The following SCARB2 variants were observed in gnomAD, a reference collection of about 807,000 sequenced individuals.
SCARB2 encodes scavenger receptor class B member 2, also known as lysosome membrane protein 2.
SCARB2 carries 29 observed loss-of-function variants against 58.6 expected under a neutral mutation model. The ratio of observed to expected loss-of-function variants is 0.49; its 90% CI spans 0.37 to 0.67. The LOEUF is 0.67. Among genes scored for constraint, SCARB2 ranks in the 30% least tolerant of loss-of-function variants. The pLI is 0.00. For missense variants in SCARB2, 488 were observed against 578.5 expected (o/e 0.84, Z 1.60); for synonymous variants, 195 against 210.1 (o/e 0.93, Z 0.62).
chr4:76,173,175 C>T (rs1249761736), intron 7 of SCARB2: 1 of 152,156 alleles, frequency 6.6e-6, no homozygotes, highest in African/African-American at 2.4e-5. Context: ...GATAATTCTG[C>T]CTCATTCATG....
Position 76,166,316 on chromosome 4 carries a change from G to C in SCARB2, c.1188-15C>G, listed in dbSNP as rs1480025542. 6.2e-7 allele frequency: 1 copy of C among 1,613,622 alleles called. No individual in the cohort carries two copies. The highest frequency in any genetic ancestry group is 1.3e-5 in the African/African-American group (1 of 74,890). ...CTCCCGTTTCACTACAAAGACAAAG[G>C]ATGAGATTGTTTCAGAAACATCCTC... On this transcript the variant is annotated splice_polypyrimidine_tract_variant and intron_variant, in intron 9 of 11. Transcript: ENST00000264896.
At chr4:76,212,767 T>C in intron 1 of SCARB2, among the ~76,000 whole-genome samples, 1 of 152,218 alleles carries the variant, frequency 6.6e-6, no homozygotes, top group East Asian at 1.9e-4. Flanking sequence ...CAGATTCTTG[T>C]AGGGTATCTA....
At position 76,159,888 on chromosome 4, in the gene SCARB2, C is replaced by CACTA. The variant is rs1258969240; in HGVS notation, c.*1821_*1824dup. On this transcript the variant is annotated 3_prime_UTR_variant, in exon 12 of 12. Transcript: ENST00000264896. ...TAATAGGACTAAACCAATAAGTATG[C>CACTA]ACTAGCATTGTCAATTTTATTAGTA... The CACTA allele has an allele frequency of 6.6e-6, 1 of 152,182 alleles. No individual in the cohort carries two copies. The highest frequency in any genetic ancestry group is 1.5e-5 in the Non-Finnish European group (1 of 68,040). 9.4% of individuals were successfully genotyped at this position (152,182 alleles called of 1,614,324 possible).
intron 2 of SCARB2, among the ~76,000 whole-genome samples, chr4:76,186,182 G>A (rs1247966723): frequency 6.6e-6 from 1 of 152,176 alleles, no homozygotes; most frequent in Non-Finnish European, 1.5e-5. Flanking sequence ...CAACTGGAAG[G>A]GGACTCCTGC....
At chr4:76,202,155 G>A (rs1732839764) in intron 1 of SCARB2, among the ~76,000 whole-genome samples, 1 of 152,204 alleles carries the variant, frequency 6.6e-6, no homozygotes, top group South Asian at 2.1e-4. Flanking sequence ...GATGTTTAAA[G>A]TAGCAGATAA....
intron 1 of SCARB2, among the ~76,000 whole-genome samples, chr4:76,232,836 T>C (rs1733516513): frequency 6.6e-6 from 1 of 152,202 alleles, no homozygotes; most frequent in Admixed American, 6.5e-5. Context: ...TTTGATATTA[T>C]GAAATAGTGT....
chr4:76,173,438 T>G (rs534719467), intron 7 of SCARB2: 1 of 152,338 alleles, frequency 6.6e-6, no homozygotes, highest in South Asian at 2.1e-4. Flanking sequence ...TCAAGCAATC[T>G]CTCTGCCTCA....
chr4:76,231,091 G>A (rs1303211680), intron 1 of SCARB2, among the ~76,000 whole-genome samples: 1 of 151,274 alleles, frequency 6.6e-6, no homozygotes, highest in East Asian at 1.9e-4. Flanking sequence ...GCATGCTAAG[G>A]TGAAACCGTA....
intron 1 of SCARB2, among the ~76,000 whole-genome samples, chr4:76,231,731 C>T (rs1247251003): frequency 6.6e-6 from 1 of 152,192 alleles, no homozygotes; most frequent in Non-Finnish European, 1.5e-5. Flanking sequence ...TGGGTTTATC[C>T]TCAAATACCT....
intron 2 of SCARB2, among the ~76,000 whole-genome samples, chr4:76,189,374 C>T (rs904692644): frequency 2.6e-5 from 4 of 152,142 alleles, no homozygotes; most frequent in Admixed American, 2.6e-4. Flanking sequence ...GCTGGGGAGG[C>T]CTCAGGAAAC....
intron 2 of SCARB2, chr4:76,193,266 C>G (rs998933853): frequency 6.6e-6 from 1 of 152,304 alleles, no homozygotes; most frequent in African/African-American, 2.4e-5. Context: ...ACCTAGATTT[C>G]AGATGATGTA....
intron 1 of SCARB2, 145 bp downstream of exon 1, chr4:76,213,282 A>G: frequency 1.4e-6 from 1 of 710,216 alleles, no homozygotes; most frequent in South Asian, 1.5e-5. Flanking sequence ...CTCGCCTACC[A>G]AGCCCTGGAA....
chr4:76,161,028 A>G lies in SCARB2; in HGVS notation c.*685T>C, dbSNP rs1167115665. On this transcript the variant is annotated 3_prime_UTR_variant, in exon 12 of 12. Coordinates refer to ENST00000264896, the MANE Select transcript of SCARB2 (RefSeq NM_005506.4). Reference sequence around the variant, plus strand: ...ATGCATTCTCTTCGTTCACAAAAGTACAAGTTAAAAATCCTTAGGAGCTTA... The same window carrying G: ...ATGCATTCTCTTCGTTCACAAAAGTGCAAGTTAAAAATCCTTAGGAGCTTA... 1.3e-5 allele frequency: 2 copies of G among 152,676 alleles called. No individual in the cohort carries two copies. Among genetic ancestry groups the G allele is most frequent in the Non-Finnish European group, 2.9e-5 (2 of 68,260 alleles). 9.5% of individuals were successfully genotyped at this position (152,676 alleles called of 1,614,324 possible). A position where few individuals can be genotyped will look rare whatever the true frequency, so the allele number is the denominator to read the frequency against.
Position 76,184,799 on chromosome 4 carries a change from A to ATT in SCARB2, c.276-3700_276-3699dup, listed in dbSNP as rs750605866. The ATT allele has an allele frequency of 5.7e-4, 208 of 364,526 alleles. 1 individual carries two copies. Among genetic ancestry groups the ATT allele is most frequent in the African/African-American group, 4.0e-3 (180 of 44,938 alleles). 22.6% of individuals were successfully genotyped at this position (364,526 alleles called of 1,614,324 possible). A position where few individuals can be genotyped will look rare whatever the true frequency, so the allele number is the denominator to read the frequency against. ...TTTGTCTCTACCAAAAAAAAAAAAAATTTTAATTTAAAAACAAGAAAACTC... is the reference window on the plus strand; with the variant it reads ...TTTGTCTCTACCAAAAAAAAAAAAAATTTTTTAATTTAAAAACAAGAAAACTC... On this transcript the variant is annotated intron_variant, in intron 2 of 11. Coordinates refer to ENST00000264896, the MANE Select transcript of SCARB2 (RefSeq NM_005506.4).
chr4:76,217,302 C>T (rs1733225454), upstream of SCARB2, among the ~76,000 whole-genome samples: 1 of 152,172 alleles, frequency 6.6e-6, no homozygotes. Context: ...GGGAGACAAT[C>T]AGGACTCTTC....
chr4:76,191,481 T>C (rs1387496822), intron 2 of SCARB2, among the ~76,000 whole-genome samples: 1 of 152,062 alleles, frequency 6.6e-6, no homozygotes, highest in African/African-American at 2.4e-5. Context: ...TCACGAGATC[T>C]GGCTGTTGTA....
intron 1 of SCARB2, among the ~76,000 whole-genome samples, chr4:76,232,976 TAATTCTTGCACCAGTTGTTTGAACC>T (rs1477292226): frequency 6.6e-6 from 1 of 152,220 alleles, no homozygotes; most frequent in African/African-American, 2.4e-5. Context: ...TTAATTTCCA[TAATTCTTGCACCAGTTGTTTGAACC>T]TTCAGCTTTT....
At chr4:76,205,947 G>A (rs1732922560) in intron 1 of SCARB2, among the ~76,000 whole-genome samples, 1 of 152,136 alleles carries the variant, frequency 6.6e-6, no homozygotes, top group Admixed American at 6.5e-5. Flanking sequence ...AGGGCGCAAA[G>A]GACGGTGGGT....
intron 2 of SCARB2, chr4:76,195,057 C>T (rs544541332): frequency 6.6e-6 from 1 of 152,106 alleles, no homozygotes; most frequent in African/African-American, 2.4e-5. Context: ...GGAGGGAGGC[C>T]CTAAAAGTCA....
Sources: allele counts gnomAD v4.1 joint callset (sites outside exome capture counted in the v4.1 genomes callset), GRCh38; gene constraint gnomAD v4.1.1; transcripts MANE v1.5; gene names NCBI Gene and HGNC (gene_info 2026-07-23, HGNC 2026-07-21).